The following ELOVL6 variants were observed in gnomAD, a reference collection of about 807,000 sequenced individuals.
ELOVL6 encodes the protein ELOVL fatty acid elongase 6.
ELOVL6 carries 8 observed loss-of-function variants against 31.7 expected under a neutral mutation model. The observed-to-expected ratio is 0.25, with a 90% CI of 0.15 to 0.45. ELOVL6 has a LOEUF of 0.45. ELOVL6 is among the 20% of genes least tolerant of loss of function. The pLI, the probability that ELOVL6 is intolerant of heterozygous loss-of-function variation, is 1.00. For missense variants in ELOVL6, 126 were observed against 326.4 expected, an observed-to-expected ratio of 0.39 and a Z score of 4.73; for synonymous variants, 101 against 117.7, an observed-to-expected ratio of 0.86 and a Z score of 0.92.
At chr4:110,111,480 A>G (rs1369922772) in intron 1 of ELOVL6, among the ~76,000 whole-genome samples, 6 of 151,838 alleles carry the variant, frequency 4.0e-5, no homozygotes, top group Non-Finnish European at 8.8e-5. Flanking sequence ...AATTTAATAA[A>G]CTCATTGTAT....
At chr4:110,059,191 C>T (rs1755074336) in intron 3 of ELOVL6, among the ~76,000 whole-genome samples, 1 of 152,106 alleles carries the variant, frequency 6.6e-6, no homozygotes, top group African/African-American at 2.4e-5. Flanking sequence ...AAGCTTAATT[C>T]CTAATCTGAA....
chr4:110,084,035 G>GTATATATCATATATATGTTATATATCA lies in ELOVL6; in HGVS notation c.221+21461_221+21462insTGATATATAACATATATATGATATATA, dbSNP rs1756013805. On this transcript the variant is annotated intron_variant, in intron 2 of 3. Coordinates refer to ENST00000302274, the MANE Select transcript of ELOVL6 (RefSeq NM_024090.3). The stretch of plus-strand genomic sequence containing the variant: ...TGGTATATAACATATGCCATATATG[G>GTATATATCATATATATGTTATATATCA]TATATAACACATGCTATATATGATA... Among the ~76,000 whole-genome samples the GTATATATCATATATATGTTATATATCA allele has an allele frequency of 5.4e-4, 4 of 7,452 alleles. 2 individuals carry two copies. Among genetic ancestry groups the GTATATATCATATATATGTTATATATCA allele is most frequent in the African/African-American group, 1.8e-3 (4 of 2,196 alleles). The allele number at this position is 7,452 out of a possible 152,430, so 4.9% of individuals were successfully genotyped here.
At chr4:110,198,179 G>T in intron 1 of ELOVL6, 68 bp downstream of exon 1, 2 of 956,178 alleles carry the variant, frequency 2.1e-6, no homozygotes, top group Admixed American at 1.7e-5. Flanking sequence ...AGGGAATACC[G>T]ACATTAAGGC....
chr4:110,125,805 C>T (rs139314347), intron 1 of ELOVL6, among the ~76,000 whole-genome samples: 1,509 of 147,808 alleles, frequency 0.01, 27 homozygotes, highest in African/African-American at 0.036. Flanking sequence ...CTAGCCTGGG[C>T]GACAGAGCGA....
At chr4:110,097,248 T>C (rs1429663233) in intron 2 of ELOVL6, among the ~76,000 whole-genome samples, 1 of 143,010 alleles carries the variant, frequency 7.0e-6, no homozygotes, top group Non-Finnish European at 1.5e-5. Context: ...GAGGTTGCAG[T>C]GAGCCAAGAT....
intron 2 of ELOVL6, among the ~76,000 whole-genome samples, chr4:110,093,568 T>A (rs1000138565): frequency 6.6e-6 from 1 of 152,200 alleles, no homozygotes; most frequent in Non-Finnish European, 1.5e-5. Context: ...AAATTCCAGG[T>A]AGTTCTTGAA....
chr4:110,100,494 T>G (rs556196818), intron 2 of ELOVL6, among the ~76,000 whole-genome samples: 5 of 152,304 alleles, frequency 3.3e-5, no homozygotes, highest in South Asian at 4.1e-4. Flanking sequence ...TTGTTTGTTT[T>G]TTTTTAAGTA....
intron 2 of ELOVL6, among the ~76,000 whole-genome samples, chr4:110,084,180 A>G (rs771097354): frequency 0.068 from 7,699 of 113,578 alleles, 1,086 homozygotes; most frequent in South Asian, 0.12. Flanking sequence ...TATATGATAT[A>G]TATAACATAT....
intron 2 of ELOVL6, among the ~76,000 whole-genome samples, chr4:110,089,358 G>A (rs529566632): frequency 5.3e-5 from 8 of 152,172 alleles, no homozygotes; most frequent in African/African-American, 1.9e-4. Context: ...GGTATTCCTA[G>A]GATGTGAAAC....
At chr4:110,079,762 G>A (rs897307040) in intron 2 of ELOVL6, among the ~76,000 whole-genome samples, 14 of 146,176 alleles carry the variant, frequency 9.6e-5, no homozygotes, top group Non-Finnish European at 2.0e-4. Flanking sequence ...AGGAAACAGA[G>A]ACACAAAAAA....
chr4:110,197,549 T>G (rs1273944174), intron 1 of ELOVL6, among the ~76,000 whole-genome samples: 1 of 152,142 alleles, frequency 6.6e-6, no homozygotes, highest in Non-Finnish European at 1.5e-5. Flanking sequence ...AACTTAATAA[T>G]GGCGTGGCTC....
chr4:110,058,635 T>G (rs1755060080), intron 3 of ELOVL6, among the ~76,000 whole-genome samples: 1 of 152,114 alleles, frequency 6.6e-6, no homozygotes, highest in Non-Finnish European at 1.5e-5. Flanking sequence ...AACACCAAAC[T>G]CCCTTTTTAG....
At chr4:110,063,407 A>C (rs963705165) in intron 2 of ELOVL6, among the ~76,000 whole-genome samples, 2 of 151,436 alleles carry the variant, frequency 1.3e-5, no homozygotes, top group Non-Finnish European at 2.9e-5. Flanking sequence ...GCGTGGGGTC[A>C]AGGAGGGACA....
At chr4:110,170,717 T>C (rs1193061521) in intron 1 of ELOVL6, among the ~76,000 whole-genome samples, 4 of 152,206 alleles carry the variant, frequency 2.6e-5, no homozygotes, top group Admixed American at 2.0e-4. Flanking sequence ...CACGTTAGAT[T>C]AGCTTAGTTC....
chr4:110,157,729 A>T (rs1182941925), intron 1 of ELOVL6, among the ~76,000 whole-genome samples: 1 of 152,212 alleles, frequency 6.6e-6, no homozygotes, highest in East Asian at 1.9e-4. Flanking sequence ...CAACTCAATA[A>T]ACATTTACTG....
chr4:110,094,423 ATATATATATATATAT>A (rs1756510329), intron 2 of ELOVL6, among the ~76,000 whole-genome samples: 4 of 62,598 alleles, frequency 6.4e-5, no homozygotes, highest in Admixed American at 2.3e-4. Context: ...ATATATATAT[ATATATATATATATAT>A]ATATAATATA....
intron 1 of ELOVL6, among the ~76,000 whole-genome samples, chr4:110,116,463 T>C (rs1440555811): frequency 6.6e-6 from 1 of 152,226 alleles, no homozygotes; most frequent in African/African-American, 2.4e-5. Flanking sequence ...CTCATTAACA[T>C]GTGACTCACA....
chr4:110,076,472 C>A (rs546179698), intron 2 of ELOVL6, among the ~76,000 whole-genome samples: 2 of 152,192 alleles, frequency 1.3e-5, no homozygotes. Flanking sequence ...CAGTGCAGAT[C>A]AAGTAGGAGA....
chr4:110,158,440 T>A (rs1173557033), intron 1 of ELOVL6, among the ~76,000 whole-genome samples: 1 of 151,324 alleles, frequency 6.6e-6, no homozygotes, highest in Non-Finnish European at 1.5e-5. Context: ...ACACAACTCT[T>A]AGGAAGAAAA....
Sources: gnomAD v4.1 joint callset for allele counts (sites outside exome capture counted in the v4.1 genomes callset) on GRCh38, gnomAD v4.1.1 for gene constraint, MANE v1.5 for transcripts, NCBI Gene and HGNC (gene_info 2026-07-23, HGNC 2026-07-21) for gene names.